Variants in HEATR5A observed in about 807,000 individuals in gnomAD.
The protein encoded by HEATR5A is HEAT repeat-containing protein 5A.
HEATR5A carries 178 observed loss-of-function variants against 218.8 expected under a neutral mutation model. That is an observed-to-expected ratio of 0.81 (90% CI 0.72 to 0.92). The LOEUF (loss-of-function observed/expected upper bound fraction) is 0.92, where lower values mean the gene tolerates loss of function less well. Among genes scored for constraint, HEATR5A ranks in the 40% least tolerant of loss-of-function variants. The pLI is 0.00. For synonymous variants in HEATR5A, 864 were observed against 871.6 expected, an observed-to-expected ratio of 0.99 and a Z score of 0.15; for missense variants, 2,420 against 2,418.9, an observed-to-expected ratio of 1.00 and a Z score of -0.01.
intron 1 of HEATR5A, among the ~76,000 whole-genome samples, chr14:31,414,952 T>C (rs2031396410): frequency 1.3e-5 from 2 of 152,188 alleles, no homozygotes. Context: ...GTGATTTTCC[T>C]GCCTCAGTCT....
At position 31,323,547 on chromosome 14, in the gene HEATR5A, C is replaced by T. The variant is rs1900173128; in HGVS notation, c.3787+18G>A. Reference sequence around the variant, plus strand: ...TTTTACACATATCATTTGGTGTTTTCATCACTATGTCACTTACTTCTTGAA... The same window carrying T: ...TTTTACACATATCATTTGGTGTTTTTATCACTATGTCACTTACTTCTTGAA... On this transcript the variant is annotated intron_variant, in intron 24 of 35. Coordinates refer to ENST00000543095, the MANE Select transcript of HEATR5A (RefSeq NM_015473.4). 1 of 1,563,766 alleles carries T rather than the reference C, an allele frequency of 6.4e-7. No homozygotes were observed. The highest frequency in any genetic ancestry group is 8.7e-7 in the Non-Finnish European group (1 of 1,151,188).
chr14:31,357,456 G>A (rs1418838616), intron 16 of HEATR5A, among the ~76,000 whole-genome samples: 1 of 152,180 alleles, frequency 6.6e-6, no homozygotes, highest in Non-Finnish European at 1.5e-5. Flanking sequence ...ATGAATGAAT[G>A]AATCAGTGCG....
At chr14:31,412,517 CAAAA>C (rs34167257) in intron 1 of HEATR5A, among the ~76,000 whole-genome samples, 2 of 135,024 alleles carry the variant, frequency 1.5e-5, no homozygotes, top group Non-Finnish European at 1.6e-5. Context: ...GACTCCATCT[CAAAA>C]AAAAAAAAAA....
intron 22 of HEATR5A, 114 bp from the exon 23 acceptor site, chr14:31,326,456 T>C (rs1900268884): frequency 2.7e-6 from 2 of 746,904 alleles, no homozygotes; most frequent in Admixed American, 2.7e-5. Flanking sequence ...CTTAAAGAAC[T>C]AGCCCAAATA....
intron 30 of HEATR5A, 99 bp from the exon 31 acceptor site, chr14:31,306,978 A>G: frequency 1.0e-6 from 1 of 992,412 alleles, no homozygotes; most frequent in Non-Finnish European, 1.4e-6. Context: ...TCAGAAAAAC[A>G]GAATGTAACA....
chr14:31,296,327 A>G, intron 33 of HEATR5A: 1 of 321,930 alleles, frequency 3.1e-6, no homozygotes, highest in South Asian at 5.4e-5. Flanking sequence ...CATATTTATT[A>G]GTTGTGTGAC....
intron 16 of HEATR5A, among the ~76,000 whole-genome samples, chr14:31,358,191 G>A (rs993664867): frequency 6.6e-6 from 1 of 152,042 alleles, no homozygotes; most frequent in African/African-American, 2.4e-5. Context: ...AAAAGGTTGG[G>A]GACCACTGGT....
In HEATR5A at chr14:31,328,980, C is replaced by T. The variant is rs147370449; in HGVS notation, c.3368-2638G>A. Among the ~76,000 whole-genome samples, 938 of 151,748 alleles carry T rather than the reference C, an allele frequency of 6.2e-3. 3 individuals carry two copies. Among genetic ancestry groups the T allele is most frequent in the Non-Finnish European group, 9.8e-3 (666 of 67,972 alleles). On this transcript the variant is annotated intron_variant, in intron 22 of 35. Transcript: ENST00000543095. Reference sequence around the variant, plus strand: ...ATACAATCATGGTGGAAGGGGAAGACGCATGTCTTACATGGCAGCAAGCAA... The same window carrying T: ...ATACAATCATGGTGGAAGGGGAAGATGCATGTCTTACATGGCAGCAAGCAA...
rs930528050 is a variant in HEATR5A, at chr14:31,292,173, A to C, written c.*1132T>G. 2 of 152,336 alleles carry C rather than the reference A, an allele frequency of 1.3e-5. No homozygotes were observed. Among genetic ancestry groups the C allele is most frequent in the South Asian group, 4.1e-4 (2 of 4,826 alleles). 9.4% of individuals were successfully genotyped at this position (152,336 alleles called of 1,614,324 possible). A position where few individuals can be genotyped will look rare whatever the true frequency, so the allele number is the denominator to read the frequency against. The stretch of plus-strand genomic sequence containing the variant: ...ATACTTGTATTCACCTGATGACCTA[A>C]ATTTGTTGTACTAAATTTGGCATTT... On this transcript the variant is annotated 3_prime_UTR_variant, in exon 36 of 36. Transcript: ENST00000543095.
At chr14:31,331,245 T>C (rs1900459528) in intron 22 of HEATR5A, among the ~76,000 whole-genome samples, 1 of 152,060 alleles carries the variant, frequency 6.6e-6, no homozygotes, top group Non-Finnish European at 1.5e-5. Flanking sequence ...CAGCCTCTGA[T>C]TCCCTTTTAA....
intron 22 of HEATR5A, among the ~76,000 whole-genome samples, chr14:31,335,502 T>G (rs1034313865): frequency 6.6e-6 from 1 of 152,046 alleles, no homozygotes; most frequent in Non-Finnish European, 1.5e-5. Context: ...CCTAAACATT[T>G]TAATGTCCTG....
chr14:31,384,930 C>CA (rs916655273), intron 9 of HEATR5A, among the ~76,000 whole-genome samples: 5 of 152,220 alleles, frequency 3.3e-5, no homozygotes, highest in African/African-American at 1.2e-4. Flanking sequence ...CAACTAACTA[C>CA]AAAGACAGTG....
chr14:31,326,076 G>A (rs760192589), intron 23 of HEATR5A, 87 bp downstream of exon 23: 21 of 948,834 alleles, frequency 2.2e-5, no homozygotes, highest in Non-Finnish European at 2.8e-5. Flanking sequence ...AGTTAGACAA[G>A]ACTGATGAAT....
At chr14:31,344,295 T>TTTTTTTTTTTTTTTA (rs1900948355) in intron 20 of HEATR5A, among the ~76,000 whole-genome samples, 3 of 116,486 alleles carry the variant, frequency 2.6e-5, no homozygotes, top group Non-Finnish European at 1.8e-5. Flanking sequence ...TTTTTTTTTT[T>TTTTTTTTTTTTTTTA]GAGACAGAGT....
At chr14:31,309,450 A>C (rs928981763) in intron 28 of HEATR5A, among the ~76,000 whole-genome samples, 4 of 152,124 alleles carry the variant, frequency 2.6e-5, no homozygotes, top group African/African-American at 7.2e-5. Context: ...ACCTAACAAC[A>C]TTTTTAGAGA....
intron 13 of HEATR5A, among the ~76,000 whole-genome samples, chr14:31,371,011 T>A (rs1207547755): frequency 1.3e-5 from 2 of 152,198 alleles, no homozygotes; most frequent in African/African-American, 4.8e-5. Flanking sequence ...TTCAATAGTA[T>A]CATTAATGCT....
intron 22 of HEATR5A, 130 bp downstream of exon 22, chr14:31,337,346 T>A (rs1900702485): frequency 1.4e-6 from 1 of 734,462 alleles, no homozygotes; most frequent in African/African-American, 1.8e-5. Context: ...GAATAACTGT[T>A]AGCAATTCTT....
Position 31,359,029 on chromosome 14 carries a change from C to T in HEATR5A, c.2100G>A (p.Leu700=). 6.3e-7 allele frequency: 1 copy of T among 1,590,146 alleles called. No homozygotes were observed. The highest frequency in any genetic ancestry group is 8.5e-7 in the Non-Finnish European group (1 of 1,174,598). Residue 700 remains leucine, a synonymous_variant, in exon 15 of 36, where the codon CTG becomes CTA. Transcript: ENST00000543095. The part of the protein sequence containing the change: ...EGNLCAILRE[L]AADLTAPDIQ... ...TATCAGGGGCAGTCAAGTCAGCAGC[C>T]AGCTCTCTGAGGATAGCACAGAGGT...
intron 1 of HEATR5A, among the ~76,000 whole-genome samples, chr14:31,416,971 C>A (rs771119334): frequency 1.1e-4 from 16 of 152,076 alleles, no homozygotes; most frequent in Non-Finnish European, 2.1e-4. Flanking sequence ...GGCATGGTGG[C>A]ATGTGCCTGT....
Sources: allele counts gnomAD v4.1 joint callset (sites outside exome capture counted in the v4.1 genomes callset), GRCh38; gene constraint gnomAD v4.1.1; transcripts MANE v1.5; gene names NCBI Gene and HGNC (gene_info 2026-07-23, HGNC 2026-07-21).